NCOA2: variants seen among roughly 807,000 people sequenced by gnomAD.
NCOA2 encodes the protein class E basic helix-loop-helix protein 75.
A neutral mutation model predicts 145.1 loss-of-function variants in NCOA2; 21 were observed. The ratio of observed to expected loss-of-function variants is 0.14; its 90% CI spans 0.10 to 0.21. NCOA2 has a LOEUF of 0.21. NCOA2 is among the 10% of genes least tolerant of loss of function. The pLI, the probability that NCOA2 is intolerant of heterozygous loss-of-function variation, is 1.00. For missense variants in NCOA2, 1,472 were observed against 1,837.6 expected (o/e 0.80, Z 3.64); for synonymous variants, 619 against 637.5 (o/e 0.97, Z 0.44).
rs1396458990 is a variant in NCOA2, at chr8:70,352,955, G to C, written c.-77+50745C>G. On this transcript the variant is annotated intron_variant, in intron 1 of 22. Coordinates refer to ENST00000452400, the MANE Select transcript of NCOA2 (RefSeq NM_006540.4). Reference sequence around the variant, plus strand: ...TTATTTTGCTACTACCTTAGTAGTAGCATAACATACAGTGCCTCAATCCAC... The same window carrying C: ...TTATTTTGCTACTACCTTAGTAGTACCATAACATACAGTGCCTCAATCCAC... 2.0e-5 allele frequency among the ~76,000 whole-genome samples: 3 copies of C among 152,078 alleles called. No homozygotes were observed. The East Asian group carries it at 5.8e-4, about 29-fold the overall frequency.
intron 1 of NCOA2, among the ~76,000 whole-genome samples, chr8:70,342,815 ACACAC>A (rs1354783351): frequency 1.4e-5 from 2 of 142,546 alleles, no homozygotes; most frequent in Non-Finnish European, 3.0e-5. Flanking sequence ...ACACACACAC[ACACAC>A]ATCCCTACAT....
At chr8:70,281,482 A>G (rs1339643315) in intron 2 of NCOA2, among the ~76,000 whole-genome samples, 4 of 152,142 alleles carry the variant, frequency 2.6e-5, no homozygotes, top group Non-Finnish European at 5.9e-5. Context: ...GTGATACAGA[A>G]AAGATTATGC....
At chr8:70,359,082 TAAC>T (rs1809987365) in intron 1 of NCOA2, among the ~76,000 whole-genome samples, 1 of 152,220 alleles carries the variant, frequency 6.6e-6, no homozygotes, top group African/African-American at 2.4e-5. Flanking sequence ...AAATTGCTAA[TAAC>T]AAGTGTTGGT....
At chr8:70,351,245 T>C (rs951747310) in intron 1 of NCOA2, among the ~76,000 whole-genome samples, 3 of 152,188 alleles carry the variant, frequency 2.0e-5, no homozygotes, top group Non-Finnish European at 2.9e-5. Flanking sequence ...ACAACCTACC[T>C]TTATATGAAC....
At chr8:70,160,266 A>G (rs2132337842) in intron 9 of NCOA2, among the ~76,000 whole-genome samples, 1 of 152,318 alleles carries the variant, frequency 6.6e-6, no homozygotes, top group Non-Finnish European at 1.5e-5. Flanking sequence ...ATTCAGAGAA[A>G]AAAAGGCTAA....
chr8:70,278,544 C>T (rs1825637368), intron 2 of NCOA2, among the ~76,000 whole-genome samples: 1 of 152,134 alleles, frequency 6.6e-6, no homozygotes, highest in South Asian at 2.1e-4. Flanking sequence ...ATCCGCTTAT[C>T]TTCATCCCCT....
intron 2 of NCOA2, among the ~76,000 whole-genome samples, chr8:70,280,866 C>T (rs1296387143): frequency 6.6e-6 from 1 of 152,030 alleles, no homozygotes; most frequent in Admixed American, 6.5e-5. Context: ...TGCATAACAT[C>T]GTTGAGGGCT....
intron 1 of NCOA2, among the ~76,000 whole-genome samples, chr8:70,314,073 G>A (rs999971630): frequency 1.3e-4 from 20 of 150,148 alleles, no homozygotes; most frequent in African/African-American, 4.9e-4. Context: ...CCAGCTACTC[G>A]GGAGGCTGAG....
Position 70,213,504 on chromosome 8 carries a change from AC to A in NCOA2, c.259+398del, listed in dbSNP as rs1454794666. ...AGGCTCAGATTAATCAAATATGCTG[AC>A]TAGCTGAAATAGGAGGTGCTTCACT... is the stretch of plus-strand genomic sequence containing the variant. On this transcript the variant is annotated intron_variant, in intron 4 of 22. Coordinates refer to ENST00000452400, the MANE Select transcript of NCOA2 (RefSeq NM_006540.4). Among the ~76,000 whole-genome samples, 5 of 152,272 alleles carry A rather than the reference AC, an allele frequency of 3.3e-5. No homozygotes were observed. The East Asian group carries it at 7.7e-4, about 23-fold the overall frequency.
intron 15 of NCOA2, among the ~76,000 whole-genome samples, 183 bp from the exon 16 acceptor site, chr8:70,132,185 A>G (rs919960510): frequency 6.6e-6 from 1 of 152,248 alleles, no homozygotes; most frequent in Non-Finnish European, 1.5e-5. Flanking sequence ...TCAGTGCCCA[A>G]TACAGGCCAG....
At chr8:70,143,650 A>G (rs1810709611) in intron 13 of NCOA2, among the ~76,000 whole-genome samples, 1 of 152,212 alleles carries the variant, frequency 6.6e-6, no homozygotes, top group Admixed American at 6.5e-5. Flanking sequence ...TAAACAATAG[A>G]AAGTTAAAAA....
At chr8:70,345,046 A>G (rs1026335106) in intron 1 of NCOA2, among the ~76,000 whole-genome samples, 3 of 152,216 alleles carry the variant, frequency 2.0e-5, no homozygotes, top group African/African-American at 7.2e-5. Context: ...CTGTCATGCT[A>G]TGTATGTTAA....
chr8:70,264,701 A>T (rs2135140854), intron 2 of NCOA2, among the ~76,000 whole-genome samples: 1 of 152,348 alleles, frequency 6.6e-6, no homozygotes, highest in African/African-American at 2.4e-5. Flanking sequence ...TCACTGCCGG[A>T]ATACTTGAAA....
chr8:70,339,317 G>T (rs1282518624), intron 1 of NCOA2, among the ~76,000 whole-genome samples: 12 of 152,042 alleles, frequency 7.9e-5, no homozygotes, highest in Non-Finnish European at 1.5e-5. Flanking sequence ...AATCATGAAT[G>T]AACTCCCATT....
intron 1 of NCOA2, among the ~76,000 whole-genome samples, chr8:70,340,290 G>A (rs982416526): frequency 2.6e-5 from 4 of 152,140 alleles, no homozygotes; most frequent in East Asian, 1.9e-4. Flanking sequence ...GGACATGTAC[G>A]AGCACTTCTT....
chr8:70,135,022 A>C (rs2131648378), intron 15 of NCOA2, among the ~76,000 whole-genome samples: 1 of 152,240 alleles, frequency 6.6e-6, no homozygotes, highest in East Asian at 1.9e-4. Flanking sequence ...CTCTCCCAGG[A>C]AAACGCCCCT....
At chr8:70,334,119 A>T (rs1341452697) in intron 1 of NCOA2, among the ~76,000 whole-genome samples, 1 of 152,292 alleles carries the variant, frequency 6.6e-6, no homozygotes, top group East Asian at 1.9e-4. Flanking sequence ...CTATATAGTG[A>T]ACTCAATCAA....
chr8:70,122,272 T>C (rs550874656), intron 21 of NCOA2, among the ~76,000 whole-genome samples: 47 of 152,254 alleles, frequency 3.1e-4, no homozygotes, highest in Admixed American at 2.4e-3. Flanking sequence ...TTTTAAGAGA[T>C]AGGGTCTTGA....
chr8:70,417,321 G>T, the NCOA2 span, among the ~76,000 whole-genome samples: 8 of 150,872 alleles, frequency 5.3e-5, no homozygotes, highest in Non-Finnish European at 7.4e-5. Context: ...AGCCGAGGTG[G>T]GTGGATCACC....
Sources: gnomAD v4.1 joint callset for allele counts (sites outside exome capture counted in the v4.1 genomes callset) on GRCh38, gnomAD v4.1.1 for gene constraint, MANE v1.5 for transcripts, NCBI Gene and HGNC (gene_info 2026-07-23, HGNC 2026-07-21) for gene names.